The following SLC5A5 variants were observed in gnomAD, a reference collection of about 807,000 sequenced individuals.
SLC5A5 encodes solute carrier family 5 member 5, also known as sodium/iodide cotransporter.
Under a neutral mutation model 68.6 loss-of-function variants are expected in SLC5A5, and 56 were observed. The ratio of observed to expected loss-of-function variants is 0.82; its 90% CI spans 0.66 to 1.02. The LOEUF (loss-of-function observed/expected upper bound fraction) is 1.02, where lower values mean the gene tolerates loss of function less well. SLC5A5 is among the 50% of genes least tolerant of loss of function. The pLI is 0.00. For synonymous variants in SLC5A5, 398 were observed against 373.0 expected, an observed-to-expected ratio of 1.07 and a Z score of -0.77; for missense variants, 807 against 859.8, an observed-to-expected ratio of 0.94 and a Z score of 0.77.
At chr19:17,891,120 T>C in intron 14 of SLC5A5, 119 bp downstream of exon 14, 1 of 739,212 alleles carries the variant, frequency 1.4e-6, no homozygotes, top group Non-Finnish European at 2.5e-6. Flanking sequence ...TTATCTCCAG[T>C]CAAAAGACTC....
chr19:17,875,151 C>T (rs921810888), intron 4 of SLC5A5, among the ~76,000 whole-genome samples: 1 of 152,050 alleles, frequency 6.6e-6, no homozygotes, highest in Non-Finnish European at 1.5e-5. Flanking sequence ...AGGCGGATCA[C>T]CTAAGGTCAG....
chr19:17,885,513 G>A (rs1171841162), intron 12 of SLC5A5, among the ~76,000 whole-genome samples: 1 of 151,046 alleles, frequency 6.6e-6, no homozygotes, highest in African/African-American at 2.4e-5. Context: ...CAAGTAGCTG[G>A]GACTATAGGC....
intron 14 of SLC5A5, among the ~76,000 whole-genome samples, chr19:17,892,661 A>AGAGAGAGAGAGAGG (rs2030222917): frequency 7.4e-6 from 1 of 134,272 alleles, no homozygotes; most frequent in Non-Finnish European, 1.5e-5. Context: ...ACAGAGAGAG[A>AGAGAGAGAGAGAGG]GAGAGAGAGA....
At chr19:17,883,581 A>C in intron 10 of SLC5A5, 100 bp from the exon 11 acceptor site, 2 of 942,558 alleles carry the variant, frequency 2.1e-6, no homozygotes, top group South Asian at 1.3e-5. Flanking sequence ...CTTGAGACCC[A>C]CATTGGAGTT....
chr19:17,890,302 G>C (rs1276100364), intron 13 of SLC5A5, among the ~76,000 whole-genome samples: 1 of 152,108 alleles, frequency 6.6e-6, no homozygotes, highest in Non-Finnish European at 1.5e-5. Flanking sequence ...AACTCCTGAC[G>C]TCAAGTGATC....
In SLC5A5 at chr19:17,875,933, T is replaced by C; in HGVS notation, c.544-19T>C. ...CCCCATCTAACCGCCCCTCTCCCTCTCTCTGTCCCATGCTGCAGGGCGGCA... is the reference window on the plus strand; with the variant it reads ...CCCCATCTAACCGCCCCTCTCCCTCCCTCTGTCCCATGCTGCAGGGCGGCA... On this transcript the variant is annotated intron_variant, in intron 4 of 14. Coordinates refer to ENST00000222248, the MANE Select transcript of SLC5A5 (RefSeq NM_000453.3). 6.2e-7 allele frequency: 1 copy of C among 1,614,020 alleles called. No individual in the cohort carries two copies. The highest frequency in any genetic ancestry group is 1.6e-4 in the Middle Eastern group (1 of 6,062).
rs367906323 is a variant in SLC5A5, at chr19:17,893,893, C to T, written c.*16C>T. The stretch of plus-strand genomic sequence containing the variant: ...AAACCTCTGAGGACAGGGCCAGCCG[C>T]GGGACTGACACCCTGGGATGGAACC... On this transcript the variant is annotated 3_prime_UTR_variant, in exon 15 of 15. Coordinates refer to ENST00000222248, the MANE Select transcript of SLC5A5 (RefSeq NM_000453.3). 180 of 1,553,486 alleles carry T rather than the reference C, an allele frequency of 1.2e-4. No homozygotes were observed. The highest frequency in any genetic ancestry group is 1.7e-4 in the Middle Eastern group (1 of 5,998).
intron 14 of SLC5A5, among the ~76,000 whole-genome samples, chr19:17,892,913 C>T (rs903158663): frequency 5.3e-5 from 8 of 151,828 alleles, no homozygotes; most frequent in Non-Finnish European, 8.8e-5. Context: ...GAGGGGTTTG[C>T]CTGAAGGTGT....
chr19:17,893,851 C>T lies in SLC5A5; in HGVS notation c.1906C>T (p.Arg636Ter), dbSNP rs763366347. 10 of 1,577,946 alleles carry T rather than the reference C, an allele frequency of 6.3e-6. No homozygotes were observed. Among genetic ancestry groups the T allele is most frequent in the South Asian group, 1.1e-5 (1 of 87,636 alleles). ...CCCCTGTGTTGGACATGATGGTGGT[C>T]GAGACCAGCAGGAGACAAACCTCTG... ...WTPCVGHDGGRDQQETNL is the reference protein window; with the variant it reads ...WTPCVGHDGG Residue 636 changes from arginine to a stop codon, truncating the protein, a stop_gained, in exon 15 of 15, where the codon CGA becomes TGA. Transcript: ENST00000222248. LOFTEE classifies it high-confidence loss of function.
At chr19:17,893,685 G>C in intron 14 of SLC5A5, 28 bp from the exon 15 acceptor site, 1 of 1,610,906 alleles carries the variant, frequency 6.2e-7, no homozygotes, top group Admixed American at 1.7e-5. Flanking sequence ...GGTCTCTGAT[G>C]GGGTCTCTTT....
rs927614058 is a variant in SLC5A5 at position 17,888,242 on chromosome 19, G to A, written c.1527-89G>A. ...CTGTGCTAGGCCATGGCAGTTGGGGGAAGGAAGCAGGGGGTGAGGTTGGAA... is the reference window on the plus strand; with the variant it reads ...CTGTGCTAGGCCATGGCAGTTGGGGAAAGGAAGCAGGGGGTGAGGTTGGAA... On this transcript the variant is annotated intron_variant, in intron 12 of 14. Transcript: ENST00000222248. 48 of 1,521,840 alleles carry A rather than the reference G, an allele frequency of 3.2e-5. No individual in the cohort carries two copies. In the African/African-American group the frequency reaches 6.2e-4, roughly 19 times the overall value. 94.3% of individuals were successfully genotyped at this position (1,521,840 alleles called of 1,614,324 possible). A position where few individuals can be genotyped will look rare whatever the true frequency, so the allele number is the denominator to read the frequency against.
intron 10 of SLC5A5, among the ~76,000 whole-genome samples, chr19:17,882,508 TTC>T (rs902559661): frequency 1.4e-5 from 2 of 146,982 alleles, no homozygotes; most frequent in Middle Eastern, 3.5e-3. Context: ...GCTAATTTTT[TTC>T]TTTTTTCTTT....
At position 17,879,497 on chromosome 19, in the gene SLC5A5, C is replaced by T. The variant is rs149026664; in HGVS notation, c.970-1368C>T. 2.5e-3 allele frequency among the ~76,000 whole-genome samples: 377 copies of T among 152,234 alleles called. 6 individuals carry two copies. The East Asian group carries it at 0.044, about 18-fold the overall frequency. ...TTTCTTCTGAGAAAGGCAGGGCAGT[C>T]ACGGCTCCAACTTTACAGATGAGGA... is the stretch of plus-strand genomic sequence containing the variant. On this transcript the variant is annotated intron_variant, in intron 7 of 14. Transcript: ENST00000222248.
At chr19:17,882,673 C>T (rs1459012654) in intron 10 of SLC5A5, among the ~76,000 whole-genome samples, 5 of 148,936 alleles carry the variant, frequency 3.4e-5, no homozygotes, top group Non-Finnish European at 4.5e-5. Flanking sequence ...CCACCATGCC[C>T]GTCTAATATT....
intron 14 of SLC5A5, among the ~76,000 whole-genome samples, chr19:17,892,983 T>A (rs568838579): frequency 1.4e-5 from 2 of 147,766 alleles, no homozygotes; most frequent in South Asian, 4.2e-4. Flanking sequence ...TCCTCTTTTC[T>A]TTTCCTTTCT....
At position 17,874,192 on chromosome 19, in the gene SLC5A5, A is replaced by C. The variant is rs752392336; in HGVS notation, c.412A>C (p.Ile138Leu). The C allele has an allele frequency of 6.2e-7, 1 of 1,610,838 alleles. No homozygotes were observed. The highest frequency in any genetic ancestry group is 1.1e-5 in the South Asian group (1 of 91,016). The change falls in exon 2 of 15, where the codon ATT (isoleucine) becomes CTT (leucine). Residue 138 changes from isoleucine (I) to leucine (L), a missense_variant. Physicochemically the swap from Ile to Leu is conservative, Grantham distance 5. Coordinates refer to ENST00000222248, the MANE Select transcript of SLC5A5 (RefSeq NM_000453.3). ...GCGGCTCTGCGGGACTTTGCAGTAC[A>C]TTGTAGCCACGGTGAGTGGCCTCGG... is the stretch of plus-strand genomic sequence containing the variant. The part of the protein sequence containing the change: ...AVRLCGTLQY[I>L]VATMLYTGIV...
intron 8 of SLC5A5, among the ~76,000 whole-genome samples, chr19:17,881,500 C>T (rs1377586788): frequency 6.6e-6 from 1 of 152,174 alleles, no homozygotes; most frequent in Non-Finnish European, 1.5e-5. Flanking sequence ...CTCCTGACCT[C>T]AGGTGATCTG....
chr19:17,873,762 C>T (rs2094299917), intron 1 of SLC5A5, among the ~76,000 whole-genome samples: 1 of 152,206 alleles, frequency 6.6e-6, no homozygotes, highest in African/African-American at 2.4e-5. Flanking sequence ...TCCCCCCTCC[C>T]CCCCAAAAAA....
chr19:17,875,868 T>C, intron 4 of SLC5A5, 84 bp from the exon 5 acceptor site: 2 of 1,277,628 alleles, frequency 1.6e-6, no homozygotes, highest in Non-Finnish European at 2.3e-6. Flanking sequence ...GACTGAGGCA[T>C]AGAAGGGCAT....
Sources: gnomAD v4.1 joint callset for allele counts (sites outside exome capture counted in the v4.1 genomes callset) on GRCh38, gnomAD v4.1.1 for gene constraint, MANE v1.5 for transcripts, NCBI Gene and HGNC (gene_info 2026-07-23, HGNC 2026-07-21) for gene names.